The following CEMIP2 variants were observed in gnomAD, a reference collection of about 807,000 sequenced individuals.
CEMIP2 encodes the protein cell surface hyaluronidase CEMIP2.
In CEMIP2, 79 loss-of-function variants were observed where a neutral mutation model predicts 146.9. That is an observed-to-expected ratio of 0.54 (90% CI 0.45 to 0.65). The LOEUF (loss-of-function observed/expected upper bound fraction) is 0.65, where lower values mean the gene tolerates loss of function less well. Ranked by LOEUF, CEMIP2 falls within the 30% of genes least tolerant of loss-of-function variation. The probability of loss-of-function intolerance (pLI) is 0.00; values close to 1 mark genes in which losing one functional copy is unlikely to be tolerated. For synonymous variants in CEMIP2, 601 were observed against 606.3 expected (o/e 0.99, Z 0.13); for missense variants, 1,596 against 1,696.2 (o/e 0.94, Z 1.04).
In CEMIP2 at chr9:71,722,441, C is replaced by T; in HGVS notation, c.2253G>A (p.Leu751=). 4 of 1,613,128 alleles carry T rather than the reference C, an allele frequency of 2.5e-6. No homozygotes were observed. The highest frequency in any genetic ancestry group is 1.7e-5 in the Admixed American group (1 of 59,718). The part of the protein sequence containing the change: ...SAADPREYLC[L]DNSARFRPHQ... ...GCCAGCTTTACCTTGCACTATTGTC[C>T]AAACAGAGGTATTCCCTTGGGTCAG... Residue 751 remains leucine (L), a synonymous_variant, in exon 12 of 24, where the codon TTG becomes TTA. Coordinates refer to ENST00000377044, the MANE Select transcript of CEMIP2 (RefSeq NM_013390.3).
intron 4 of CEMIP2, 104 bp downstream of exon 4, chr9:71,744,914 C>A: frequency 7.8e-7 from 1 of 1,276,602 alleles, no homozygotes. Context: ...AGTGGCCCTT[C>A]TGATGCCTGA....
At chr9:71,740,287 C>T in intron 4 of CEMIP2, 55 bp from the exon 5 acceptor site, 1 of 1,584,722 alleles carries the variant, frequency 6.3e-7, no homozygotes, top group East Asian at 2.2e-5. Context: ...TTCACAAAAT[C>T]CCTGACAAAG....
At chr9:71,688,928 A>G (rs1194639619) in intron 22 of CEMIP2, among the ~76,000 whole-genome samples, 2 of 152,156 alleles carry the variant, frequency 1.3e-5, no homozygotes, top group African/African-American at 2.4e-5. Flanking sequence ...AATTTTTGCA[A>G]ACGAAACCTA....
At chr9:71,702,969 G>A (rs1162592684) in intron 18 of CEMIP2, among the ~76,000 whole-genome samples, 5 of 152,152 alleles carry the variant, frequency 3.3e-5, no homozygotes, top group African/African-American at 1.2e-4. Context: ...AACTTATAGA[G>A]TACTGATCAC....
intron 21 of CEMIP2, among the ~76,000 whole-genome samples, chr9:71,692,108 T>TAA (rs575560028): frequency 5.2e-5 from 7 of 135,224 alleles, no homozygotes; most frequent in Non-Finnish European, 8.0e-5. Context: ...GACTCTATCT[T>TAA]AAAAAAAAAA....
intron 22 of CEMIP2, among the ~76,000 whole-genome samples, chr9:71,688,884 C>T (rs1464969584): frequency 6.6e-6 from 1 of 152,180 alleles, no homozygotes; most frequent in Non-Finnish European, 1.5e-5. Context: ...TCCATACCTT[C>T]TTAACACTTT....
At chr9:71,746,803 C>T (rs952287927) in intron 2 of CEMIP2, among the ~76,000 whole-genome samples, 1 of 152,098 alleles carries the variant, frequency 6.6e-6, no homozygotes, top group Non-Finnish European at 1.5e-5. Flanking sequence ...TTCTTGCACA[C>T]AGTGAATGAT....
At chr9:71,697,309 T>C (rs1414463591) in intron 20 of CEMIP2, among the ~76,000 whole-genome samples, 1 of 152,218 alleles carries the variant, frequency 6.6e-6, no homozygotes, top group Admixed American at 6.5e-5. Flanking sequence ...AATTATCTGA[T>C]TTCCTTTGGA....
At chr9:71,702,795 T>A (rs1822610160) in intron 18 of CEMIP2, among the ~76,000 whole-genome samples, 1 of 152,216 alleles carries the variant, frequency 6.6e-6, no homozygotes, top group Non-Finnish European at 1.5e-5. Context: ...CTGAATTTCA[T>A]GCCCATGTGG....
intron 5 of CEMIP2, among the ~76,000 whole-genome samples, chr9:71,737,086 G>T (rs1013256549): frequency 6.7e-6 from 1 of 149,672 alleles, no homozygotes; most frequent in Admixed American, 6.7e-5. Context: ...AGCCCAGGAG[G>T]TCAAGGCTGC....
At chr9:71,722,242 A>G (rs111754375) in intron 12 of CEMIP2, among the ~76,000 whole-genome samples, 185 bp downstream of exon 12, 3 of 152,246 alleles carry the variant, frequency 2.0e-5, no homozygotes, top group Non-Finnish European at 2.9e-5. Flanking sequence ...TAGTATTTCA[A>G]TAAGATAAAA....
Position 71,730,834 on chromosome 9 carries a change from AGGGTATC to A in CEMIP2, c.1637_1643del (p.Arg546LeufsTer44), listed in dbSNP as rs758875439. On this transcript the variant is annotated frameshift_variant, in exon 8 of 24. Transcript: ENST00000377044. LOFTEE classifies it high-confidence loss of function. The stretch of plus-strand genomic sequence containing the variant: ...CGTCACCACACAGGTGAAAATGAAC[AGGGTATC>A]GCCCCATCTGCTGCTGACCCATGTG... The A allele has an allele frequency of 6.2e-7, 1 of 1,614,194 alleles. No homozygotes were observed. Among genetic ancestry groups the A allele is most frequent in the Non-Finnish European group, 8.5e-7 (1 of 1,180,030 alleles).
intron 10 of CEMIP2, among the ~76,000 whole-genome samples, chr9:71,726,798 T>C (rs1823397117): frequency 6.6e-6 from 1 of 152,192 alleles, no homozygotes; most frequent in African/African-American, 2.4e-5. Context: ...TCAACTCTTC[T>C]GGGCACAAAA....
chr9:71,696,400 TG>T (rs1241074702), intron 20 of CEMIP2, among the ~76,000 whole-genome samples: 1 of 151,958 alleles, frequency 6.6e-6, no homozygotes, highest in Non-Finnish European at 1.5e-5. Context: ...GGTTGATTTT[TG>T]ATTTTACTTG....
chr9:71,699,723 G>A (rs952032557), intron 19 of CEMIP2, among the ~76,000 whole-genome samples: 5 of 151,996 alleles, frequency 3.3e-5, no homozygotes, highest in African/African-American at 1.2e-4. Context: ...CCATGCATTT[G>A]TGCACACTGT....
intron 2 of CEMIP2, among the ~76,000 whole-genome samples, chr9:71,747,559 G>C (rs73647010): frequency 2.6e-5 from 4 of 152,114 alleles, no homozygotes; most frequent in African/African-American, 9.7e-5. Context: ...TTCCAAGGTG[G>C]CTTTATTTAA....
chr9:71,754,122 T>C lies in CEMIP2; in HGVS notation c.-12-3737A>G, dbSNP rs143394007. Among the ~76,000 whole-genome samples the C allele has an allele frequency of 5.0e-3, 765 of 152,020 alleles. 18 individuals are homozygous for C. In the East Asian group the frequency reaches 0.082, roughly 16 times the overall value. On this transcript the variant is annotated intron_variant, in intron 1 of 23. Coordinates refer to ENST00000377044, the MANE Select transcript of CEMIP2 (RefSeq NM_013390.3). The stretch of plus-strand genomic sequence containing the variant: ...AGAAATACCTAAAGTAAATGACGAG[T>C]TGATGGGTGCAGCAAACCAACATAG...
intron 11 of CEMIP2, among the ~76,000 whole-genome samples, chr9:71,724,192 G>A (rs1462795884): frequency 1.3e-5 from 2 of 152,056 alleles, no homozygotes; most frequent in African/African-American, 2.4e-5. Flanking sequence ...CTACTCAGGA[G>A]GCTGAGGCAG....
At chr9:71,708,856 C>T (rs1049719936) in intron 17 of CEMIP2, among the ~76,000 whole-genome samples, 1 of 152,150 alleles carries the variant, frequency 6.6e-6, no homozygotes, top group Non-Finnish European at 1.5e-5. Flanking sequence ...AAGTCAGATT[C>T]TTTCATTAAG....
Sources: allele counts gnomAD v4.1 joint callset (sites outside exome capture counted in the v4.1 genomes callset), GRCh38; gene constraint gnomAD v4.1.1; transcripts MANE v1.5; gene names NCBI Gene and HGNC (gene_info 2026-07-23, HGNC 2026-07-21).